The following SIPA1L1 variants were observed in gnomAD, a reference collection of about 807,000 sequenced individuals.
SIPA1L1 encodes the protein signal induced proliferation associated 1 like 1, also known as signal-induced proliferation-associated 1-like protein 1.
Under a neutral mutation model 162.7 loss-of-function variants are expected in SIPA1L1, and 26 were observed. The ratio of observed to expected loss-of-function variants is 0.16; its 90% CI spans 0.12 to 0.22. The LOEUF is 0.22. Among genes scored for constraint, SIPA1L1 ranks in the 10% least tolerant of loss-of-function variants. SIPA1L1 has a pLI of 1.00. For missense variants in SIPA1L1, 1,874 were observed against 2,241.0 expected (o/e 0.84, Z 3.31); for synonymous variants, 829 against 837.4 (o/e 0.99, Z 0.17).
chr14:71,506,944 G>A (rs1476362472), intron 2 of SIPA1L1, among the ~76,000 whole-genome samples: 1 of 151,890 alleles, frequency 6.6e-6, no homozygotes, highest in Non-Finnish European at 1.5e-5. Flanking sequence ...GATTACAGGC[G>A]TGAGCTACCT....
intron 8 of SIPA1L1, among the ~76,000 whole-genome samples, chr14:71,656,336 AT>A (rs11390626): frequency 7.5e-4 from 113 of 151,056 alleles, no homozygotes; most frequent in Admixed American, 1.1e-3. Flanking sequence ...TACCAATGAC[AT>A]TTTTTTTTTC....
At chr14:71,542,423 C>CCTGCTG (rs927103529) in intron 4 of SIPA1L1, among the ~76,000 whole-genome samples, 3 of 150,646 alleles carry the variant, frequency 2.0e-5, no homozygotes, top group Non-Finnish European at 4.4e-5. Flanking sequence ...GCTTCTTCTT[C>CCTGCTG]CTGCTGCTGC....
intron 2 of SIPA1L1, among the ~76,000 whole-genome samples, chr14:71,460,345 C>T (rs778837732): frequency 7.2e-5 from 11 of 152,178 alleles, no homozygotes; most frequent in Non-Finnish European, 1.3e-4. Flanking sequence ...ATTTGTAGTC[C>T]TGTCTGGATT....
At position 71,730,169 on chromosome 14, in the gene SIPA1L1, T is replaced by G. The variant is rs1382337895; in HGVS notation, c.4729T>G (p.Phe1577Val). ...TTACAATAGCCAGAGGGAGCACTTT[T>G]TCACCTCCAGGGCGTCACTTCTGGA... ...SIYNSQREHF[F>V]TSRASLLDQA... The change falls in exon 20 of 24, where the codon TTC (phenylalanine) becomes GTC (valine). Residue 1577 changes from phenylalanine to valine, a missense_variant. Around this residue, in one of 5 missense-constraint regions of SIPA1L1, gnomAD observed 936 missense variants for 1,051.9 expected, o/e 0.89. Transcript: ENST00000381232. 11 of 1,614,070 alleles carry G rather than the reference T, an allele frequency of 6.8e-6. No individual in the cohort carries two copies. Among genetic ancestry groups the G allele is most frequent in the Non-Finnish European group, 8.5e-6 (10 of 1,180,030 alleles).
At chr14:71,417,196 A>G (rs1446541945) in intron 2 of SIPA1L1, among the ~76,000 whole-genome samples, 1 of 152,164 alleles carries the variant, frequency 6.6e-6, no homozygotes, top group Non-Finnish European at 1.5e-5. Context: ...AACATAAGCT[A>G]GAGAGAAGAA....
At chr14:71,388,260 G>A (rs1413427004) in intron 2 of SIPA1L1, among the ~76,000 whole-genome samples, 2 of 152,204 alleles carry the variant, frequency 1.3e-5, no homozygotes, top group Non-Finnish European at 2.9e-5. Context: ...TTCAATAAAA[G>A]ATACAGACGC....
At chr14:71,675,723 G>T (rs111406198) in intron 12 of SIPA1L1, among the ~76,000 whole-genome samples, 2 of 152,156 alleles carry the variant, frequency 1.3e-5, no homozygotes, top group African/African-American at 4.8e-5. Context: ...CACTGCAGCT[G>T]CAGCGAGAGG....
chr14:71,589,023 C>T lies in SIPA1L1; in HGVS notation c.1151C>T (p.Ser384Phe), dbSNP rs377487470. The stretch of plus-strand genomic sequence containing the variant: ...CTGTCTCATTCAGCCAGTTTTAGCT[C>T]CCCAATGGGCAGCACAGAGGACCTG... ...GPLSHSASFS[S>F]PMGSTEDLNS... The change falls in exon 5 of 24, where the codon TCC becomes TTC. Residue 384 changes from serine to phenylalanine, a missense_variant. Ser to Phe is a radical substitution (Grantham distance 155). Transcript: ENST00000381232. 6.2e-7 allele frequency: 1 copy of T among 1,614,084 alleles called. No homozygotes were observed. Among genetic ancestry groups the T allele is most frequent in the Non-Finnish European group, 8.5e-7 (1 of 1,179,960 alleles).
intron 4 of SIPA1L1, among the ~76,000 whole-genome samples, chr14:71,534,344 T>G (rs2053704734): frequency 1.3e-5 from 2 of 152,170 alleles, no homozygotes; most frequent in African/African-American, 4.8e-5. Context: ...TAACAATACT[T>G]TATGGCTTCT....
At chr14:71,725,095 C>T (rs184476509) in intron 19 of SIPA1L1, among the ~76,000 whole-genome samples, 17 of 152,358 alleles carry the variant, frequency 1.1e-4, no homozygotes, top group Non-Finnish European at 2.9e-5. Flanking sequence ...CTGTGTCCTG[C>T]TCAGAGTGCA....
intron 2 of SIPA1L1, among the ~76,000 whole-genome samples, chr14:71,487,082 T>C (rs1419998991): frequency 6.6e-6 from 1 of 152,200 alleles, no homozygotes; most frequent in Non-Finnish European, 1.5e-5. Flanking sequence ...CTTTCTTCCC[T>C]CTGGATTTTT....
At chr14:71,477,786 G>T (rs1341933304) in intron 2 of SIPA1L1, among the ~76,000 whole-genome samples, 1 of 151,282 alleles carries the variant, frequency 6.6e-6, no homozygotes, top group Non-Finnish European at 1.5e-5. Flanking sequence ...CTACTTTGGA[G>T]GTATTAAAAA....
intron 2 of SIPA1L1, among the ~76,000 whole-genome samples, chr14:71,326,367 C>A (rs572203088): frequency 6.6e-6 from 1 of 152,180 alleles, no homozygotes; most frequent in African/African-American, 2.4e-5. Flanking sequence ...CGCCGCCACA[C>A]CTGGCTGATT....
chr14:71,367,852 C>G (rs2038485087), intron 2 of SIPA1L1, among the ~76,000 whole-genome samples: 1 of 151,250 alleles, frequency 6.6e-6, no homozygotes, highest in East Asian at 1.9e-4. Flanking sequence ...GGTAACTCCC[C>G]TGCATCGGCC....
At chr14:71,502,369 G>T (rs1171003845) in intron 2 of SIPA1L1, among the ~76,000 whole-genome samples, 1 of 150,528 alleles carries the variant, frequency 6.6e-6, no homozygotes, top group Non-Finnish European at 1.5e-5. Context: ...CTCCCGAGTA[G>T]CTGAGACTAC....
At chr14:71,599,460 C>CTTTTTTTTTTTTTTTTTTTTTTTTT (rs111750084) in intron 5 of SIPA1L1, among the ~76,000 whole-genome samples, 1 of 130,330 alleles carries the variant, frequency 7.7e-6, no homozygotes. Context: ...CGATTTCATT[C>CTTTTTTTTTTTTTTTTTTTTTTTTT]TTTTTTTTTT....
chr14:71,445,323 A>G (rs2045257805), intron 2 of SIPA1L1, among the ~76,000 whole-genome samples: 1 of 152,178 alleles, frequency 6.6e-6, no homozygotes. Flanking sequence ...ATCAGAATTC[A>G]CTTTTTTTGT....
At chr14:71,566,004 A>G (rs1292738044) in intron 4 of SIPA1L1, among the ~76,000 whole-genome samples, 1 of 152,110 alleles carries the variant, frequency 6.6e-6, no homozygotes, top group African/African-American at 2.4e-5. Flanking sequence ...TAAGACAACA[A>G]AAGAAAAACA....
chr14:71,403,269 T>C (rs2041806008), intron 2 of SIPA1L1, among the ~76,000 whole-genome samples: 1 of 152,164 alleles, frequency 6.6e-6, no homozygotes, highest in East Asian at 1.9e-4. Flanking sequence ...TATTAGTTAT[T>C]TACATATATG....
Sources: allele counts gnomAD v4.1 joint callset (sites outside exome capture counted in the v4.1 genomes callset), GRCh38; gene constraint gnomAD v4.1.1; regional missense constraint gnomAD v4.1.1; transcripts MANE v1.5; gene names NCBI Gene and HGNC (gene_info 2026-07-23, HGNC 2026-07-21).